EYA1: variants seen among roughly 807,000 people sequenced by gnomAD.
EYA1 encodes the protein EYA transcriptional coactivator and phosphatase 1.
In EYA1, 16 loss-of-function variants were observed where a neutral mutation model predicts 82.0. The ratio of observed to expected loss-of-function variants is 0.20; its 90% CI spans 0.13 to 0.30. The LOEUF is 0.30. Among genes scored for constraint, EYA1 ranks in the 10% least tolerant of loss-of-function variants. The probability of loss-of-function intolerance (pLI) is 1.00; values close to 1 mark genes in which losing one functional copy is unlikely to be tolerated. For missense variants in EYA1, 633 were observed against 730.7 expected (o/e 0.87, Z 1.54); for synonymous variants, 261 against 264.4 (o/e 0.99, Z 0.12).
At chr8:71,237,297 T>C (rs112213806) in intron 12 of EYA1, among the ~76,000 whole-genome samples, 11,858 of 152,134 alleles carry the variant, frequency 0.078, 1,189 homozygotes, top group African/African-American at 0.23. Context: ...TGATCCGCCC[T>C]GATTGATTAT....
chr8:71,491,691 C>T (rs1811007225), intron 2 of EYA1, among the ~76,000 whole-genome samples: 1 of 152,162 alleles, frequency 6.6e-6, no homozygotes, highest in Non-Finnish European at 1.5e-5. Context: ...GTTGAGCCAT[C>T]CAGTCTGTGG....
intron 3 of EYA1, among the ~76,000 whole-genome samples, chr8:71,339,010 A>G (rs747354638): frequency 1.3e-5 from 2 of 152,076 alleles, no homozygotes; most frequent in Non-Finnish European, 1.5e-5. Context: ...TGAGTCCTTC[A>G]TCTCTTCTAC....
chr8:71,434,459 G>A (rs139986775), intron 2 of EYA1, among the ~76,000 whole-genome samples: 1 of 152,238 alleles, frequency 6.6e-6, no homozygotes, highest in East Asian at 1.9e-4. Flanking sequence ...ATAAGCTATG[G>A]CATCAATTTA....
chr8:71,532,153 C>G (rs952529400), intron 2 of EYA1, among the ~76,000 whole-genome samples: 1 of 152,144 alleles, frequency 6.6e-6, no homozygotes, highest in Non-Finnish European at 1.5e-5. Context: ...TCAGTTCCCT[C>G]AGAATTTTTA....
chr8:71,339,559 C>T (rs529135172), intron 3 of EYA1, among the ~76,000 whole-genome samples: 1 of 150,636 alleles, frequency 6.6e-6, no homozygotes, highest in African/African-American at 2.4e-5. Flanking sequence ...CCATCTTTGG[C>T]CCTTCCACAC....
chr8:71,451,986 G>A (rs879604598), intron 2 of EYA1, among the ~76,000 whole-genome samples: 2 of 152,228 alleles, frequency 1.3e-5, no homozygotes, highest in African/African-American at 4.8e-5. Context: ...CCTCACCTGG[G>A]AAGTGCAAGG....
At chr8:71,418,382 A>G (rs1045244514) in intron 2 of EYA1, among the ~76,000 whole-genome samples, 1 of 152,146 alleles carries the variant, frequency 6.6e-6, no homozygotes, top group African/African-American at 2.4e-5. Flanking sequence ...TTCTCTCTCC[A>G]TGGGTCATAA....
chr8:71,406,279 G>A (rs1830214675), intron 2 of EYA1, among the ~76,000 whole-genome samples: 2 of 152,178 alleles, frequency 1.3e-5, no homozygotes, highest in Non-Finnish European at 2.9e-5. Flanking sequence ...AGCAATTTAT[G>A]AATTCACAAA....
At chr8:71,469,408 T>C (rs1291521524) in intron 2 of EYA1, among the ~76,000 whole-genome samples, 1 of 151,992 alleles carries the variant, frequency 6.6e-6, no homozygotes, top group African/African-American at 2.4e-5. Flanking sequence ...CCTTGTAAAA[T>C]GGGTGTGAAA....
chr8:71,233,563 CAAA>C (rs767423332), intron 12 of EYA1, among the ~76,000 whole-genome samples: 2 of 64,644 alleles, frequency 3.1e-5, no homozygotes. Flanking sequence ...GACTCCGTCT[CAAA>C]AAAAAAAAAA....
At chr8:71,398,430 T>C (rs1443622575) in intron 2 of EYA1, among the ~76,000 whole-genome samples, 1 of 152,212 alleles carries the variant, frequency 6.6e-6, no homozygotes, top group East Asian at 1.9e-4. Context: ...TTTGTGGTTT[T>C]ATCTACCTTT....
chr8:71,461,534 G>A (rs4738135), intron 2 of EYA1, among the ~76,000 whole-genome samples: 23,067 of 151,918 alleles, frequency 0.15, 3,074 homozygotes, highest in East Asian at 0.47. Context: ...CCTGGCTTGA[G>A]GAGCTCCCAG....
At chr8:71,384,040 C>T (rs1828850665) in intron 2 of EYA1, among the ~76,000 whole-genome samples, 1 of 151,530 alleles carries the variant, frequency 6.6e-6, no homozygotes, top group Non-Finnish European at 1.5e-5. Flanking sequence ...AAATTCATTG[C>T]ATCTCAGAGA....
At position 71,511,261 on chromosome 8, in the gene EYA1, A is replaced by C. The variant is rs74473107; in HGVS notation, c.33+24483T>G. On this transcript the variant is annotated intron_variant, in intron 2 of 18. Transcript: ENST00000643681. ...TCATTTTGGTCTATATTTTCTGAGT[A>C]CCTGTTACATTTCAGCATTGTTACC... 3.8e-3 allele frequency among the ~76,000 whole-genome samples: 584 copies of C among 152,282 alleles called. 4 individuals are homozygous for C. The highest frequency in any genetic ancestry group is 0.013 in the African/African-American group (552 of 41,558).
intron 2 of EYA1, among the ~76,000 whole-genome samples, chr8:71,385,977 C>T (rs939698413): frequency 4.6e-5 from 7 of 152,184 alleles, no homozygotes; most frequent in Admixed American, 1.3e-4. Context: ...AATCTGTCCC[C>T]GACTTTGCAC....
intron 11 of EYA1, among the ~76,000 whole-genome samples, chr8:71,251,316 A>G (rs938541808): frequency 6.6e-6 from 1 of 152,230 alleles, no homozygotes; most frequent in Non-Finnish European, 1.5e-5. Context: ...TTTAACGAAG[A>G]AATTGTACAT....
At chr8:71,487,304 G>T (rs918664773) in intron 2 of EYA1, among the ~76,000 whole-genome samples, 2 of 152,152 alleles carry the variant, frequency 1.3e-5, no homozygotes, top group Non-Finnish European at 2.9e-5. Context: ...AGTTTCATCT[G>T]TAAAATGAGG....
upstream of EYA1, among the ~76,000 whole-genome samples, chr8:71,364,455 T>C (rs547903689): frequency 5.3e-5 from 8 of 152,184 alleles, no homozygotes; most frequent in South Asian, 1.0e-3. Context: ...ATTGATAGCC[T>C]CTTATTTCTA....
intron 1 of EYA1, 158 bp from the exon 2 acceptor site, chr8:71,356,669 T>C (rs1586529109): frequency 1.5e-6 from 2 of 1,338,822 alleles, no homozygotes; most frequent in East Asian, 2.8e-5. Flanking sequence ...TGTCTTTAAG[T>C]TGAGGTCTCA....
Sources: gnomAD v4.1 joint callset for allele counts (sites outside exome capture counted in the v4.1 genomes callset) on GRCh38, gnomAD v4.1.1 for gene constraint, MANE v1.5 for transcripts, NCBI Gene and HGNC (gene_info 2026-07-23, HGNC 2026-07-21) for gene names.